TPD52L2: variants seen among roughly 807,000 people sequenced by gnomAD.
TPD52L2 encodes tumor protein D54.
TPD52L2 carries 19 observed loss-of-function variants against 24.7 expected under a neutral mutation model. The ratio of observed to expected loss-of-function variants is 0.77; its 90% CI spans 0.54 to 1.13. TPD52L2 has a LOEUF of 1.13. Among genes scored for constraint, TPD52L2 ranks in the 50% most tolerant of loss-of-function variants. TPD52L2 has a pLI of 0.00. For synonymous variants in TPD52L2, 104 were observed against 100.2 expected, an observed-to-expected ratio of 1.04 and a Z score of -0.23; for missense variants, 236 against 250.4, an observed-to-expected ratio of 0.94 and a Z score of 0.39.
intron 3 of TPD52L2, 151 bp downstream of exon 3, chr20:63,873,967 A>C: frequency 1.1e-6 from 1 of 875,174 alleles, no homozygotes; most frequent in Non-Finnish European, 1.6e-6. Context: ...AGAGGCTCTG[A>C]GCCCTTGGCC....
chr20:63,885,899 C>A, intron 5 of TPD52L2: 1 of 1,060,650 alleles, frequency 9.4e-7, no homozygotes, highest in Non-Finnish European at 1.5e-6. Context: ...CCCTGCTGGG[C>A]CTGACTGAGC....
chr20:63,873,507 A>G (rs2052545979), intron 2 of TPD52L2, among the ~76,000 whole-genome samples, 161 bp from the exon 3 acceptor site: 1 of 152,016 alleles, frequency 6.6e-6, no homozygotes, highest in Non-Finnish European at 1.5e-5. Flanking sequence ...AAAAAACCAA[A>G]ACCCAAAAAT....
rs181397114 is a variant in TPD52L2, at chr20:63,877,210, A to G, written c.374+1335A>G. 4.0e-4 allele frequency: 140 copies of G among 346,626 alleles called. 1 individual carries two copies. Among genetic ancestry groups the G allele is most frequent in the African/African-American group, 2.7e-3 (126 of 46,484 alleles). 21.5% of individuals were successfully genotyped at this position (346,626 alleles called of 1,614,324 possible). A position where few individuals can be genotyped will look rare whatever the true frequency, so the allele number is the denominator to read the frequency against. ...CCGGCTAATTTTTTCTATTTTTAGTAGAGACAGGATTTCACCATGTCAGCC... is the reference window on the plus strand; with the variant it reads ...CCGGCTAATTTTTTCTATTTTTAGTGGAGACAGGATTTCACCATGTCAGCC... On this transcript the variant is annotated intron_variant, in intron 4 of 6. Coordinates refer to ENST00000346249, the MANE Select transcript of TPD52L2 (RefSeq NM_003288.4). This position sits in a 1 kb window ranked among gnomAD's most constrained non-coding sequence, Gnocchi z 4.1.
intron 5 of TPD52L2, chr20:63,887,147 C>G (rs2053161550): frequency 9.6e-6 from 3 of 312,412 alleles, no homozygotes; most frequent in South Asian, 8.1e-5. Context: ...AGCACGTGCC[C>G]TTCTGCTGGA....
At position 63,887,734 on chromosome 20, in the gene TPD52L2, C is replaced by G. The variant is rs1277487445; in HGVS notation, c.477-1456C>G. The G allele has an allele frequency of 7.5e-6, 7 of 934,310 alleles. No homozygotes were observed. The East Asian group carries it at 1.7e-4, about 22-fold the overall frequency. The allele number at this position is 934,310 out of a possible 1,614,324, so 57.9% of individuals were successfully genotyped here. A position where few individuals can be genotyped will look rare whatever the true frequency, so the allele number is the denominator to read the frequency against. On this transcript the variant is annotated intron_variant, in intron 5 of 6. Transcript: ENST00000346249. ...ATTGAGGACTCCATTCCCTTGGCAA[C>G]CTCTGATGACTAAGGGCCGGTAAAA... is the stretch of plus-strand genomic sequence containing the variant.
chr20:63,865,286 G>C lies in TPD52L2; in HGVS notation c.-80G>C. The C allele has an allele frequency of 6.9e-7, 1 of 1,459,786 alleles. No individual in the cohort carries two copies. Among genetic ancestry groups the C allele is most frequent in the Non-Finnish European group, 9.1e-7 (1 of 1,104,868 alleles). The allele number at this position is 1,459,786 out of a possible 1,614,324, so 90.4% of individuals were successfully genotyped here. On this transcript the variant is annotated 5_prime_UTR_variant, in exon 1 of 7. Transcript: ENST00000346249. ...AGCTGAGGCAGTTCCGCTGGCTAGT[G>C]TGTACGCGGCGAGCTTCTCCCGGCG...
intron 3 of TPD52L2, among the ~76,000 whole-genome samples, chr20:63,874,226 TTTTG>T (rs1232402003): frequency 1.9e-4 from 25 of 135,072 alleles, no homozygotes; most frequent in African/African-American, 6.0e-4. Flanking sequence ...TGATTTTTTT[TTTTG>T]TGTGTGTGTG....
chr20:63,884,912 C>T (rs1171792901), intron 5 of TPD52L2, among the ~76,000 whole-genome samples: 1 of 152,216 alleles, frequency 6.6e-6, no homozygotes, highest in Non-Finnish European at 1.5e-5. Context: ...CCTGCTTGCT[C>T]CTCCATTTAT....
Position 63,882,797 on chromosome 20 carries a change from C to T in TPD52L2, c.453C>T (p.Ile151=), listed in dbSNP as rs1264598158. 2 of 1,613,084 alleles carry T rather than the reference C, an allele frequency of 1.2e-6. No individual in the cohort carries two copies. Among genetic ancestry groups the T allele is most frequent in the South Asian group, 2.2e-5 (2 of 91,026 alleles). ...CCCTGTCCACAGTGGGCTCTGCCAT[C>T]AGCAGGAAGCTTGGAGACATGAGGT... ...SAALSTVGSA[I]SRKLGDMRNS... is the part of the protein sequence containing the mutation. Residue 151 remains isoleucine (I), a synonymous_variant, in exon 5 of 7, where the codon ATC becomes ATT. Transcript: ENST00000346249.
In TPD52L2 at chr20:63,874,957, T is replaced by C. The variant is rs535355196; in HGVS notation, c.315-859T>C. 9.9e-5 allele frequency among the ~76,000 whole-genome samples: 15 copies of C among 151,988 alleles called. No individual in the cohort carries two copies. The South Asian group carries it at 3.1e-3, about 32-fold the overall frequency. ...GAGTTCAAGACTAGCCTGACCAACA[T>C]GGAGAAACCCTGTCTCTACTAAAAA... On this transcript the variant is annotated intron_variant, in intron 3 of 6. Transcript: ENST00000346249.
intron 5 of TPD52L2, chr20:63,887,445 C>T: frequency 8.8e-7 from 1 of 1,130,618 alleles, no homozygotes; most frequent in Non-Finnish European, 1.3e-6. Flanking sequence ...AGGCAGCTCG[C>T]TCCAACTGCT....
In TPD52L2 at chr20:63,877,402, G is replaced by A. The variant is rs920685890; in HGVS notation, c.374+1527G>A. ...TTTCGATCTCCTGACCTCGTGATCC[G>A]CCCATCTCGGCCTCCCAAAGTGCTG... On this transcript the variant is annotated intron_variant, in intron 4 of 6. Coordinates refer to ENST00000346249, the MANE Select transcript of TPD52L2 (RefSeq NM_003288.4). This position sits in a 1 kb window ranked among gnomAD's most constrained non-coding sequence, Gnocchi z 4.1. Among the ~76,000 whole-genome samples the A allele has an allele frequency of 1.2e-4, 19 of 152,232 alleles. No homozygotes were observed. The highest frequency in any genetic ancestry group is 2.0e-4 in the Admixed American group (3 of 15,282).
chr20:63,873,869 A>C, intron 3 of TPD52L2, 53 bp downstream of exon 3: 1 of 1,417,878 alleles, frequency 7.1e-7, no homozygotes, highest in Non-Finnish European at 9.2e-7. Flanking sequence ...CGGGCACCAC[A>C]CGTGCCCCGG....
At chr20:63,874,387 C>A (rs945959249) in intron 3 of TPD52L2, among the ~76,000 whole-genome samples, 2 of 130,834 alleles carry the variant, frequency 1.5e-5, no homozygotes, top group African/African-American at 2.9e-5. Context: ...TATTATTATT[C>A]TTTTTTGAGA....
intron 5 of TPD52L2, chr20:63,887,100 C>T (rs1214203267): frequency 2.8e-5 from 7 of 249,400 alleles, no homozygotes; most frequent in Non-Finnish European, 1.6e-5. Context: ...TCCTGCAGAC[C>T]AGAGCAAGCT....
rs6122037 is a variant in TPD52L2 at position 63,865,361 on chromosome 20, C to G, written c.-5C>G. The stretch of plus-strand genomic sequence containing the variant: ...CCGCGACAGCGGTCCGGACGCCGCC[C>G]GAACATGGACTCCGCCGGCCAAGGT... On this transcript the variant is annotated 5_prime_UTR_variant, in exon 1 of 7. Transcript: ENST00000346249. 2.6e-6 allele frequency: 4 copies of G among 1,527,776 alleles called. No homozygotes were observed. Among genetic ancestry groups the G allele is most frequent in the Non-Finnish European group, 3.5e-6 (4 of 1,143,148 alleles). The allele number at this position is 1,527,776 out of a possible 1,614,324, so 94.6% of individuals were successfully genotyped here.
At chr20:63,888,950 G>A in intron 5 of TPD52L2, 1 of 587,112 alleles carries the variant, frequency 1.7e-6, no homozygotes, top group Non-Finnish European at 3.1e-6. Context: ...CAGTCAAGGG[G>A]TTTCCAGTTG....
chr20:63,872,332 C>G (rs1243215771), intron 2 of TPD52L2, among the ~76,000 whole-genome samples: 2 of 152,026 alleles, frequency 1.3e-5, no homozygotes, highest in Non-Finnish European at 1.5e-5. Context: ...TTCTATTGTC[C>G]AAGCCCAGAC....
intron 2 of TPD52L2, among the ~76,000 whole-genome samples, 198 bp from the exon 3 acceptor site, chr20:63,873,470 C>T (rs1320736125): frequency 4.7e-5 from 7 of 148,132 alleles, no homozygotes; most frequent in South Asian, 2.1e-4. Context: ...GCCTGGGCGA[C>T]GAGCGAAACT....
Sources: gnomAD v4.1 joint callset for allele counts (sites outside exome capture counted in the v4.1 genomes callset) on GRCh38, gnomAD v4.1.1 for gene constraint, Gnocchi (gnomAD v3.1) non-coding constraint, MANE v1.5 for transcripts, NCBI Gene and HGNC (gene_info 2026-07-23, HGNC 2026-07-21) for gene names.